The following TMEFF1 variants were observed in gnomAD, a reference collection of about 807,000 sequenced individuals.
TMEFF1 encodes tomoregulin-1.
Under a neutral mutation model 47.5 loss-of-function variants are expected in TMEFF1, and 20 were observed. That is an observed-to-expected ratio of 0.42 (90% CI 0.30 to 0.61). TMEFF1 has a LOEUF of 0.61. TMEFF1 is among the 20% of genes least tolerant of loss of function. The pLI is 0.19. For missense variants in TMEFF1, 411 were observed against 471.1 expected, an observed-to-expected ratio of 0.87 and a Z score of 1.18; for synonymous variants, 162 against 166.3, an observed-to-expected ratio of 0.97 and a Z score of 0.20.
intron 6 of TMEFF1, among the ~76,000 whole-genome samples, chr9:100,548,998 C>A (rs1564025106): frequency 6.6e-6 from 1 of 152,074 alleles, no homozygotes; most frequent in Non-Finnish European, 1.5e-5. Context: ...GGACTATGTT[C>A]TCTGAGGAAA....
intron 8 of TMEFF1, among the ~76,000 whole-genome samples, chr9:100,568,881 A>G (rs1455900522): frequency 1.3e-5 from 2 of 152,158 alleles, no homozygotes; most frequent in Non-Finnish European, 2.9e-5. Context: ...AGGTTCATCC[A>G]TGTCATAACA....
At chr9:100,527,108 A>G (rs994599111) in intron 5 of TMEFF1, among the ~76,000 whole-genome samples, 6 of 151,548 alleles carry the variant, frequency 4.0e-5, no homozygotes, top group Admixed American at 3.9e-4. Context: ...GCGCCACTGC[A>G]CTCCAGCCTG....
chr9:100,544,087 G>GAT (rs35750255), intron 5 of TMEFF1, among the ~76,000 whole-genome samples: 7,735 of 147,090 alleles, frequency 0.053, 379 homozygotes, highest in South Asian at 0.23. Context: ...CCTTCATGCT[G>GAT]ATATATATAT....
chr9:100,514,105 G>A (rs1055378746), intron 4 of TMEFF1, among the ~76,000 whole-genome samples: 2 of 151,644 alleles, frequency 1.3e-5, no homozygotes, highest in Admixed American at 6.6e-5. Flanking sequence ...GATATTATGG[G>A]GTACACCAAA....
At chr9:100,476,593 A>G (rs1026008476) in intron 1 of TMEFF1, among the ~76,000 whole-genome samples, 4 of 150,750 alleles carry the variant, frequency 2.7e-5, no homozygotes, top group African/African-American at 4.9e-5. Flanking sequence ...GGGTTTCACA[A>G]TGTTGGCCAG....
chr9:100,490,114 A>G (rs1837522372), intron 1 of TMEFF1, among the ~76,000 whole-genome samples: 2 of 152,168 alleles, frequency 1.3e-5, no homozygotes, highest in African/African-American at 4.8e-5. Context: ...AGTATGCAAA[A>G]TGGAATGAAA....
At chr9:100,517,059 C>T (rs13292364) in intron 5 of TMEFF1, among the ~76,000 whole-genome samples, 3,830 of 152,170 alleles carry the variant, frequency 0.025, 62 homozygotes, top group Middle Eastern at 0.034. Flanking sequence ...ATACCAAGTG[C>T]TTTTCTCACT....
intron 5 of TMEFF1, among the ~76,000 whole-genome samples, chr9:100,528,894 C>T (rs767918098): frequency 0.11 from 15,095 of 140,722 alleles, 868 homozygotes; most frequent in Middle Eastern, 0.17. Context: ...GCAGATCTCT[C>T]GGCAGAAACC....
intron 3 of TMEFF1, among the ~76,000 whole-genome samples, chr9:100,510,294 G>A (rs1837938183): frequency 6.6e-6 from 1 of 152,164 alleles, no homozygotes; most frequent in African/African-American, 2.4e-5. Context: ...GAGGATACAT[G>A]TTAAAATCAA....
At chr9:100,474,914 A>G (rs1365093539) in intron 1 of TMEFF1, among the ~76,000 whole-genome samples, 2 of 152,146 alleles carry the variant, frequency 1.3e-5, no homozygotes, top group Non-Finnish European at 2.9e-5. Flanking sequence ...GAGGCGCACA[A>G]GGATTATGGC....
At chr9:100,515,588 C>T (rs1838052776) in intron 4 of TMEFF1, among the ~76,000 whole-genome samples, 1 of 152,016 alleles carries the variant, frequency 6.6e-6, no homozygotes. Context: ...GAGTTCAAGA[C>T]CAGCCTGGCC....
At chr9:100,532,859 C>G (rs993883885) in intron 5 of TMEFF1, among the ~76,000 whole-genome samples, 7 of 152,004 alleles carry the variant, frequency 4.6e-5, no homozygotes, top group East Asian at 1.9e-4. Flanking sequence ...CAATGATAGA[C>G]TGGATTAAGA....
intron 7 of TMEFF1, among the ~76,000 whole-genome samples, chr9:100,557,542 G>A (rs990130406): frequency 7.2e-5 from 11 of 152,234 alleles, no homozygotes; most frequent in Admixed American, 6.5e-4. Context: ...TCTTGAGAAT[G>A]CCATGTGCAT....
At chr9:100,570,347 A>G (rs1325287141) in intron 8 of TMEFF1, among the ~76,000 whole-genome samples, 1 of 152,220 alleles carries the variant, frequency 6.6e-6, no homozygotes, top group Admixed American at 6.5e-5. Context: ...TTTTTTGAGG[A>G]ACTTCCATAC....
At position 100,576,760 on chromosome 9, in the gene TMEFF1, G is replaced by C; in HGVS notation, c.*160G>C. On this transcript the variant is annotated 3_prime_UTR_variant, in exon 10 of 10. Transcript: ENST00000374879. ...TATTCAGCTACGACAGTTTTGGACT[G>C]TTTAGTAGTCTTTGTTTTATGTTTT... 1 of 766,702 alleles carries C rather than the reference G, an allele frequency of 1.3e-6. No individual in the cohort carries two copies. The highest frequency in any genetic ancestry group is 1.9e-6 in the Non-Finnish European group (1 of 517,362). The allele number at this position is 766,702 out of a possible 1,614,324, so 47.5% of individuals were successfully genotyped here.
At position 100,550,165 on chromosome 9, in the gene TMEFF1, T is replaced by A; in HGVS notation, c.775+5T>A. 1 of 1,609,590 alleles carries A rather than the reference T, an allele frequency of 6.2e-7. No homozygotes were observed. Among genetic ancestry groups the A allele is most frequent in the Non-Finnish European group, 8.5e-7 (1 of 1,178,426 alleles). ...AATATCGACCAGATGTGAAAGGTAC[T>A]GAATCATGCATCTCCAAATTTTGGC... On this transcript the variant is annotated splice_donor_5th_base_variant and intron_variant, in intron 7 of 9. Coordinates refer to ENST00000374879, the MANE Select transcript of TMEFF1 (RefSeq NM_003692.5).
chr9:100,559,358 T>C (rs1838972081), intron 7 of TMEFF1, among the ~76,000 whole-genome samples: 1 of 152,080 alleles, frequency 6.6e-6, no homozygotes, highest in South Asian at 2.1e-4. Flanking sequence ...CCTAACAGAG[T>C]ACCCAGCATA....
chr9:100,560,408 G>A (rs1838993570), intron 7 of TMEFF1, among the ~76,000 whole-genome samples: 1 of 152,076 alleles, frequency 6.6e-6, no homozygotes, highest in African/African-American at 2.4e-5. Flanking sequence ...GGAAGCCTGG[G>A]GATTTTTCCT....
intron 5 of TMEFF1, among the ~76,000 whole-genome samples, chr9:100,520,843 T>C (rs1190182817): frequency 1.3e-5 from 2 of 152,224 alleles, no homozygotes; most frequent in Non-Finnish European, 2.9e-5. Flanking sequence ...AATCAGTCTA[T>C]TGTGTTGTGC....
Sources: gnomAD v4.1 joint callset for allele counts (sites outside exome capture counted in the v4.1 genomes callset) on GRCh38, gnomAD v4.1.1 for gene constraint, MANE v1.5 for transcripts, NCBI Gene and HGNC (gene_info 2026-07-23, HGNC 2026-07-21) for gene names.